ZNF423: variants seen among roughly 807,000 people sequenced by gnomAD.
The protein encoded by ZNF423 is zinc finger protein 423.
ZNF423 carries 12 observed loss-of-function variants against 95.8 expected under a neutral mutation model. The observed-to-expected ratio is 0.13, with a 90% CI of 0.08 to 0.20. The LOEUF is 0.20. Among genes scored for constraint, ZNF423 ranks in the 10% least tolerant of loss-of-function variants. The pLI is 1.00. For missense variants in ZNF423, 1,316 were observed against 1,737.1 expected (o/e 0.76, Z 4.31); for synonymous variants, 749 against 711.9 (o/e 1.05, Z -0.83).
At chr16:49,605,831 T>G (rs968137186) in intron 5 of ZNF423, among the ~76,000 whole-genome samples, 2 of 152,116 alleles carry the variant, frequency 1.3e-5, no homozygotes, top group African/African-American at 4.8e-5. Flanking sequence ...CAGAGGCCAA[T>G]AGACTGTGAA....
intron 7 of ZNF423, among the ~76,000 whole-genome samples, chr16:49,522,028 G>T (rs1007812689): frequency 2.0e-5 from 3 of 152,228 alleles, no homozygotes; most frequent in Admixed American, 2.0e-4. Flanking sequence ...CCCAGAGGGG[G>T]AGGCACCACT....
intron 5 of ZNF423, among the ~76,000 whole-genome samples, chr16:49,574,272 CT>C (rs1970433777): frequency 6.6e-6 from 1 of 152,162 alleles, no homozygotes; most frequent in Admixed American, 6.5e-5. Context: ...GTGGTCCCAG[CT>C]AATCAGGAAG....
chr16:49,850,053 C>T (rs1024303928), intron 1 of ZNF423, among the ~76,000 whole-genome samples: 1 of 152,224 alleles, frequency 6.6e-6, no homozygotes, highest in African/African-American at 2.4e-5. Context: ...AAACAGCATT[C>T]TCCTTAAAGA....
chr16:49,811,653 C>T (rs2034754221), intron 1 of ZNF423, among the ~76,000 whole-genome samples: 1 of 152,170 alleles, frequency 6.6e-6, no homozygotes. Flanking sequence ...AAAAGGGAGC[C>T]ATTTCCGGGC....
At chr16:49,706,505 C>G (rs890218963) in intron 3 of ZNF423, among the ~76,000 whole-genome samples, 1 of 152,376 alleles carries the variant, frequency 6.6e-6, no homozygotes, top group Non-Finnish European at 1.5e-5. Context: ...CCATTCACAA[C>G]AGAGCCAGGT....
intron 1 of ZNF423, among the ~76,000 whole-genome samples, chr16:49,811,502 G>T (rs2034752263): frequency 6.6e-6 from 1 of 152,122 alleles, no homozygotes; most frequent in African/African-American, 2.4e-5. Context: ...GGAGGCCAGA[G>T]ATCTGAATAT....
chr16:49,776,330 G>T (rs991120346), intron 2 of ZNF423, among the ~76,000 whole-genome samples: 9 of 152,186 alleles, frequency 5.9e-5, no homozygotes, highest in Non-Finnish European at 1.3e-4. Context: ...GGGAGGCGAT[G>T]CCCTGCCCAG....
At chr16:49,652,295 A>G (rs1334481458) in intron 3 of ZNF423, among the ~76,000 whole-genome samples, 1 of 152,084 alleles carries the variant, frequency 6.6e-6, no homozygotes, top group East Asian at 1.9e-4. Context: ...TAGCACTGAT[A>G]TTGAAAATGC....
chr16:49,763,621 G>A (rs1025701423), intron 2 of ZNF423, among the ~76,000 whole-genome samples: 6 of 151,964 alleles, frequency 3.9e-5, no homozygotes, highest in African/African-American at 7.3e-5. Flanking sequence ...ACTCCCCAGC[G>A]TCACAGGAAC....
At chr16:49,705,580 T>A (rs1325245184) in intron 3 of ZNF423, among the ~76,000 whole-genome samples, 1 of 152,210 alleles carries the variant, frequency 6.6e-6, no homozygotes, top group African/African-American at 2.4e-5. Context: ...AGAGTTTCAC[T>A]CTTGTTGCCC....
intron 1 of ZNF423, among the ~76,000 whole-genome samples, chr16:49,830,946 A>G (rs1308079484): frequency 6.6e-6 from 1 of 152,132 alleles, no homozygotes; most frequent in Non-Finnish European, 1.5e-5. Flanking sequence ...TCAGCCAGCC[A>G]GTTCCACCAA....
At chr16:49,851,818 T>G (rs1407002013) in intron 1 of ZNF423, among the ~76,000 whole-genome samples, 2 of 152,192 alleles carry the variant, frequency 1.3e-5, no homozygotes, top group Admixed American at 6.5e-5. Context: ...AAACAGCAAT[T>G]ACTAGACGTA....
intron 5 of ZNF423, among the ~76,000 whole-genome samples, chr16:49,580,866 A>G (rs1329275982): frequency 5.9e-5 from 9 of 152,192 alleles, no homozygotes; most frequent in East Asian, 1.9e-4. Flanking sequence ...TCGTGAGAGC[A>G]TAGAAACGTG....
intron 5 of ZNF423, among the ~76,000 whole-genome samples, chr16:49,530,394 C>T (rs1395963433): frequency 6.6e-6 from 1 of 151,162 alleles, no homozygotes; most frequent in African/African-American, 2.4e-5. Context: ...GCGCTTACTA[C>T]CACCTGGTAT....
intron 5 of ZNF423, among the ~76,000 whole-genome samples, chr16:49,584,248 T>C (rs1970752599): frequency 6.6e-6 from 1 of 152,164 alleles, no homozygotes; most frequent in South Asian, 2.1e-4. Flanking sequence ...CCCCATCGTG[T>C]CCCTTAGTAG....
At chr16:49,518,289 T>C (rs2151695769) in intron 7 of ZNF423, 2 of 393,256 alleles carry the variant, frequency 5.1e-6, no homozygotes, top group South Asian at 1.9e-5. Flanking sequence ...AAGGTAAGTA[T>C]ATTGTATATC....
intron 1 of ZNF423, among the ~76,000 whole-genome samples, chr16:49,846,454 A>T (rs1444027273): frequency 6.6e-6 from 1 of 152,136 alleles, no homozygotes; most frequent in Non-Finnish European, 1.5e-5. Flanking sequence ...TTCCTTTTCA[A>T]CCTGTGTTTT....
chr16:49,496,721 G>A (rs939608822), intron 7 of ZNF423, among the ~76,000 whole-genome samples: 2 of 152,210 alleles, frequency 1.3e-5, no homozygotes, highest in African/African-American at 4.8e-5. Context: ...TACGGCAAAT[G>A]CTCCACAGAT....
intron 5 of ZNF423, among the ~76,000 whole-genome samples, chr16:49,620,971 G>A (rs1007544827): frequency 3.3e-5 from 5 of 152,198 alleles, no homozygotes; most frequent in Non-Finnish European, 7.3e-5. Context: ...CTTCCCAGCC[G>A]TGGGGGACCA....
Sources: allele counts gnomAD v4.1 joint callset (sites outside exome capture counted in the v4.1 genomes callset), GRCh38; gene constraint gnomAD v4.1.1; transcripts MANE v1.5; gene names NCBI Gene and HGNC (gene_info 2026-07-23, HGNC 2026-07-21).